TAS2R60: variants seen among roughly 807,000 people sequenced by gnomAD.
TAS2R60 encodes the protein taste receptor type 2 member 60.
Under a neutral mutation model 19.5 loss-of-function variants are expected in TAS2R60, and 16 were observed. The ratio of observed to expected loss-of-function variants is 0.82; its 90% CI spans 0.55 to 1.24. The LOEUF (loss-of-function observed/expected upper bound fraction) is 1.24, where lower values mean the gene tolerates loss of function less well. Ranked by LOEUF, TAS2R60 falls within the 50% of genes most tolerant of loss-of-function variation. The probability of loss-of-function intolerance (pLI) is 0.00; values close to 1 mark genes in which losing one functional copy is unlikely to be tolerated. For synonymous variants in TAS2R60, 141 were observed against 143.3 expected, an observed-to-expected ratio of 0.98 and a Z score of 0.11; for missense variants, 362 against 382.7, an observed-to-expected ratio of 0.95 and a Z score of 0.45.
chr7:143,444,190 G>T lies in TAS2R60; in HGVS notation c.738G>T (p.Leu246=). Residue 246 remains leucine, a synonymous_variant, in exon 1 of 1, where the codon CTG becomes CTT. Coordinates refer to ENST00000332690, the MANE Select transcript of TAS2R60 (RefSeq NM_177437.1). ...GTGTGCAGGCACACATAAAGGCTCT[G>T]CTGGCTCTCCTCTCTTTTGCCATGC... The part of the protein sequence containing the change: ...EPSVQAHIKA[L]LALLSFAMLF... 1 of 1,614,192 alleles carries T rather than the reference G, an allele frequency of 6.2e-7. No homozygotes were observed. Among genetic ancestry groups the T allele is most frequent in the South Asian group, 1.1e-5 (1 of 91,078 alleles).
Position 143,444,118 on chromosome 7 carries a change from A to G in TAS2R60, c.666A>G (p.Arg222=). The G allele has an allele frequency of 6.2e-7, 1 of 1,614,236 alleles. No homozygotes were observed. The highest frequency in any genetic ancestry group is 1.6e-4 in the Middle Eastern group (1 of 6,062). ...CMILLITSLG[R]HRKKALLTTS... ...TTTTGCTCATCACATCTCTGGGAAGACACAGGAAGAAGGCTCTCCTTACAA... is the reference window on the plus strand; with the variant it reads ...TTTTGCTCATCACATCTCTGGGAAGGCACAGGAAGAAGGCTCTCCTTACAA... Residue 222 remains arginine (R), a synonymous_variant, in exon 1 of 1, where the codon AGA becomes AGG. Transcript: ENST00000332690.
chr7:143,444,137 C>A lies in TAS2R60; in HGVS notation c.685C>A (p.Leu229Ile), dbSNP rs139329687. 1.6e-4 allele frequency: 256 copies of A among 1,614,240 alleles called. No homozygotes were observed. The African/African-American group carries it at 1.7e-3, about 11-fold the overall frequency. The stretch of plus-strand genomic sequence containing the variant: ...GGGAAGACACAGGAAGAAGGCTCTC[C>A]TTACAACCTCAGGATTCCGAGAGCC... ...SLGRHRKKAL[L>I]TTSGFREPSV... The change falls in exon 1 of 1, where the codon CTT becomes ATT. Residue 229 changes from leucine to isoleucine, a missense_variant. Coordinates refer to ENST00000332690, the MANE Select transcript of TAS2R60 (RefSeq NM_177437.1).
rs146414969 is a variant in TAS2R60 at position 143,443,485 on chromosome 7, G to C, written c.33G>C (p.Ser11=). 1.2e-6 allele frequency: 2 copies of C among 1,612,998 alleles called. No individual in the cohort carries two copies. The highest frequency in any genetic ancestry group is 2.2e-5 in the South Asian group (2 of 90,838). ...GAGACCACATGGTTCTAGGATCTTC[G>C]GTGACTGACAAGAAGGCCATCATCT... is the stretch of plus-strand genomic sequence containing the variant. MNGDHMVLGS[S]VTDKKAIILV... is the part of the protein sequence containing the mutation. Residue 11 remains serine, a synonymous_variant, in exon 1 of 1, where the codon TCG becomes TCC. Coordinates refer to ENST00000332690, the MANE Select transcript of TAS2R60 (RefSeq NM_177437.1).
Position 143,444,369 on chromosome 7 carries a change from T to A in TAS2R60, c.917T>A (p.Val306Glu). The change falls in exon 1 of 1, where the codon GTG becomes GAG. Residue 306 changes from valine (V) to glutamate (E), a missense_variant. Coordinates refer to ENST00000332690, the MANE Select transcript of TAS2R60 (RefSeq NM_177437.1). ...LLFSNCRLRA[V>E]LKSRRSSRCG... ...TTCAGCAACTGCAGGCTGAGAGCTG[T>A]GCTGAAGAGTCGTCGTTCCTCAAGG... 1 of 1,610,458 alleles carries A rather than the reference T, an allele frequency of 6.2e-7. No homozygotes were observed. The highest frequency in any genetic ancestry group is 8.5e-7 in the Non-Finnish European group (1 of 1,179,938).
At position 143,443,897 on chromosome 7, in the gene TAS2R60, G is replaced by T. The variant is rs1159193099; in HGVS notation, c.445G>T (p.Val149Leu). The T allele has an allele frequency of 6.2e-7, 1 of 1,613,910 alleles. No homozygotes were observed. The change falls in exon 1 of 1, where the codon GTA becomes TTA. Residue 149 changes from valine (V) to leucine (L), a missense_variant. By Grantham distance (32) the Val-to-Leu change is conservative. Coordinates refer to ENST00000332690, the MANE Select transcript of TAS2R60 (RefSeq NM_177437.1). ...GWLPWMLFSS[V>L]GLSSFTTILF... ...GCTACCATGGATGCTCTTCAGCTCT[G>T]TAGGGCTCTCCAGCTTCACCACCAT...
In TAS2R60 at chr7:143,443,721, A is replaced by T; in HGVS notation, c.269A>T (p.Asn90Ile). 6.2e-7 allele frequency: 1 copy of T among 1,614,078 alleles called. No homozygotes were observed. Among genetic ancestry groups the T allele is most frequent in the Non-Finnish European group, 8.5e-7 (1 of 1,180,024 alleles). Residue 90 changes from asparagine to isoleucine, a missense_variant, in exon 1 of 1, where the codon AAC becomes ATC. Asn to Ile is a moderately radical substitution (Grantham distance 149, BLOSUM62 -3). Transcript: ENST00000332690. ...VFLHPMAFPY[N>I]PVLQFLAFQW... The stretch of plus-strand genomic sequence containing the variant: ...TTGCATCCGATGGCCTTCCCATACA[A>T]CCCTGTACTGCAGTTTCTAGCTTTC...
rs1422538149 is a variant in TAS2R60, at chr7:143,443,890, C to T, written c.438C>T (p.Phe146=). The change falls in exon 1 of 1, where the codon TTC becomes TTT. Residue 146 remains phenylalanine, a synonymous_variant. Transcript: ENST00000332690. ...CTGGGTGGCTACCATGGATGCTCTT[C>T]AGCTCTGTAGGGCTCTCCAGCTTCA... ...KLSGWLPWML[F]SSVGLSSFTT... 1.9e-6 allele frequency: 3 copies of T among 1,614,000 alleles called. No homozygotes were observed. The South Asian group carries it at 3.3e-5, about 18-fold the overall frequency.
In TAS2R60 at chr7:143,444,106, A is replaced by T. The variant is rs200500918; in HGVS notation, c.654A>T (p.Thr218=). Residue 218 remains threonine (T), a synonymous_variant, in exon 1 of 1, where the codon ACA becomes ACT. Transcript: ENST00000332690. ...VFFICMILLI[T]SLGRHRKKAL... ...TCATTTGCATGATTTTGCTCATCAC[A>T]TCTCTGGGAAGACACAGGAAGAAGG... The T allele has an allele frequency of 2.5e-6, 4 of 1,614,166 alleles. No individual in the cohort carries two copies. The South Asian group carries it at 4.4e-5, about 18-fold the overall frequency.
the TAS2R60 span, chr7:143,444,352 CT>C: frequency 6.2e-7 from 1 of 1,612,184 alleles, no homozygotes; most frequent in Non-Finnish European, 8.5e-7. Flanking sequence ...TCTTCAGCAA[CT>C]GCAGGCTGAG....
In TAS2R60 at chr7:143,443,606, T is replaced by C. The variant is rs1563134844; in HGVS notation, c.154T>C (p.Leu52=). The change falls in exon 1 of 1, where the codon TTG becomes CTG. Residue 52 remains leucine (L), a synonymous_variant. Coordinates refer to ENST00000332690, the MANE Select transcript of TAS2R60 (RefSeq NM_177437.1). ...CGTGGAGTGGGTGCTACGGAGAATG[T>C]TGTTGCCTTGTGATAAGTTATTGGT... ...LGVEWVLRRM[L]LPCDKLLVSL... is the part of the protein sequence containing the mutation. The C allele has an allele frequency of 2.5e-6, 4 of 1,614,210 alleles. No homozygotes were observed. The highest frequency in any genetic ancestry group is 3.4e-6 in the Non-Finnish European group (4 of 1,180,034).
rs1806414250 is a variant in TAS2R60 at position 143,444,093 on chromosome 7, T to C, written c.641T>C (p.Ile214Thr). The change falls in exon 1 of 1, where the codon ATT becomes ACT. Residue 214 changes from isoleucine to threonine, a missense_variant. By Grantham distance (89) the Ile-to-Thr change is moderately conservative. Coordinates refer to ENST00000332690, the MANE Select transcript of TAS2R60 (RefSeq NM_177437.1). ...MPTAVFFICM[I>T]LLITSLGRHR... ...ACTGCTGTCTTTTTCATTTGCATGA[T>C]TTTGCTCATCACATCTCTGGGAAGA... is the stretch of plus-strand genomic sequence containing the variant. 1 of 1,614,096 alleles carries C rather than the reference T, an allele frequency of 6.2e-7. No homozygotes were observed. Among genetic ancestry groups the C allele is most frequent in the Admixed American group, 1.7e-5 (1 of 60,008 alleles).
At chr7:143,443,996 GGC>G in the TAS2R60 span, 1 of 1,614,160 alleles carries the variant, frequency 6.2e-7, no homozygotes, top group East Asian at 2.2e-5. Context: ...GAATGTCACT[GGC>G]GATAGCATAC....
At position 143,443,749 on chromosome 7, in the gene TAS2R60, G is replaced by C. The variant is rs750335021; in HGVS notation, c.297G>C (p.Gln99His). Reference protein sequence around the residue: ...YNPVLQFLAFQWDFLNAATLW... With the variant: ...YNPVLQFLAFHWDFLNAATLW... ...CTGTACTGCAGTTTCTAGCTTTCCA[G>C]TGGGACTTCCTGAATGCTGCCACCT... Residue 99 changes from glutamine (Q) to histidine (H), a missense_variant, in exon 1 of 1, where the codon CAG becomes CAC. Physicochemically the swap from Gln to His is conservative, Grantham distance 24. Transcript: ENST00000332690. 1.9e-6 allele frequency: 3 copies of C among 1,614,048 alleles called. No individual in the cohort carries two copies. The Admixed American group carries it at 5.0e-5, about 27-fold the overall frequency.
Position 143,443,716 on chromosome 7 carries a change from A to T in TAS2R60, c.264A>T (p.Pro88=), listed in dbSNP as rs1355694039. 1.2e-6 allele frequency: 2 copies of T among 1,614,008 alleles called. No homozygotes were observed. Among genetic ancestry groups the T allele is most frequent in the East Asian group, 2.2e-5 (1 of 44,888 alleles). ...TTTTCTTGCATCCGATGGCCTTCCC[A>T]TACAACCCTGTACTGCAGTTTCTAG... The part of the protein sequence containing the change: ...IYVFLHPMAF[P]YNPVLQFLAF... Residue 88 remains proline, a synonymous_variant, in exon 1 of 1, where the codon CCA becomes CCT. Transcript: ENST00000332690.
Position 143,443,558 on chromosome 7 carries a change from G to A in TAS2R60, c.106G>A (p.Gly36Ser). 1.2e-6 allele frequency: 2 copies of A among 1,614,202 alleles called. No homozygotes were observed. Among genetic ancestry groups the A allele is most frequent in the Non-Finnish European group, 1.7e-6 (2 of 1,180,030 alleles). ...LLRLVAIAGN[G>S]FITAALGVEW... is the part of the protein sequence containing the mutation. ...ACGCCTGGTAGCAATAGCAGGCAAT[G>A]GCTTCATCACTGCTGCTCTGGGCGT... The change falls in exon 1 of 1, where the codon GGC (glycine) becomes AGC (serine). Residue 36 changes from glycine to serine, a missense_variant. Gly to Ser is a moderately conservative substitution (Grantham distance 56). Coordinates refer to ENST00000332690, the MANE Select transcript of TAS2R60 (RefSeq NM_177437.1).
Position 143,443,905 on chromosome 7 carries a change from C to G in TAS2R60, c.453C>G (p.Leu151=), listed in dbSNP as rs778073838. 7 of 1,613,874 alleles carry G rather than the reference C, an allele frequency of 4.3e-6. No homozygotes were observed. Among genetic ancestry groups the G allele is most frequent in the Non-Finnish European group, 5.9e-6 (7 of 1,180,032 alleles). ...GGATGCTCTTCAGCTCTGTAGGGCT[C>G]TCCAGCTTCACCACCATTCTATTTT... is the stretch of plus-strand genomic sequence containing the variant. ...LPWMLFSSVG[L]SSFTTILFFI... Residue 151 remains leucine (L), a synonymous_variant, in exon 1 of 1, where the codon CTC becomes CTG. Coordinates refer to ENST00000332690, the MANE Select transcript of TAS2R60 (RefSeq NM_177437.1).
rs767577890 is a variant in TAS2R60 at position 143,444,104 on chromosome 7, A to G, written c.652A>G (p.Thr218Ala). The G allele has an allele frequency of 1.9e-6, 3 of 1,614,036 alleles. No homozygotes were observed. The highest frequency in any genetic ancestry group is 1.7e-5 in the Admixed American group (1 of 60,008). Reference protein sequence around the residue: ...VFFICMILLITSLGRHRKKAL... With the variant: ...VFFICMILLIASLGRHRKKAL... ...TTTCATTTGCATGATTTTGCTCATC[A>G]CATCTCTGGGAAGACACAGGAAGAA... is the stretch of plus-strand genomic sequence containing the variant. Residue 218 changes from threonine (T) to alanine (A), a missense_variant, in exon 1 of 1, where the codon ACA (threonine) becomes GCA (alanine). Coordinates refer to ENST00000332690, the MANE Select transcript of TAS2R60 (RefSeq NM_177437.1).
chr7:143,443,845 C>G lies in TAS2R60; in HGVS notation c.393C>G (p.Phe131Leu). 1 of 1,611,542 alleles carries G rather than the reference C, an allele frequency of 6.2e-7. No individual in the cohort carries two copies. The highest frequency in any genetic ancestry group is 1.1e-5 in the South Asian group (1 of 90,948). ...KIATFTHPVF[F>L]WLKHKLSGWL... ...CTACCTTCACCCACCCTGTCTTCTT[C>G]TGGCTAAAGCACAAGTTGTCTGGGT... is the stretch of plus-strand genomic sequence containing the variant. Residue 131 changes from phenylalanine (F) to leucine (L), a missense_variant, in exon 1 of 1, where the codon TTC becomes TTG. Coordinates refer to ENST00000332690, the MANE Select transcript of TAS2R60 (RefSeq NM_177437.1).
rs1250495213 is a variant in TAS2R60 at position 143,444,239 on chromosome 7, C to A, written c.787C>A (p.Leu263Met). 2 of 1,614,076 alleles carry A rather than the reference C, an allele frequency of 1.2e-6. No individual in the cohort carries two copies. Among genetic ancestry groups the A allele is most frequent in the Non-Finnish European group, 1.7e-6 (2 of 1,180,048 alleles). The change falls in exon 1 of 1, where the codon CTG becomes ATG. Residue 263 changes from leucine to methionine, a missense_variant. Transcript: ENST00000332690. Reference sequence around the variant, plus strand: ...GCTCTTCATCTCATATTTCCTGTCACTGGTGTTCAGTGCTGCAGGTATTTT... The same window carrying A: ...GCTCTTCATCTCATATTTCCTGTCAATGGTGTTCAGTGCTGCAGGTATTTT... The part of the protein sequence containing the change: ...AMLFISYFLS[L>M]VFSAAGIFPP...
Sources: gnomAD v4.1 joint callset for allele counts on GRCh38, gnomAD v4.1.1 for gene constraint, MANE v1.5 for transcripts, NCBI Gene and HGNC (gene_info 2026-07-23, HGNC 2026-07-21) for gene names.